MRGPRX3: variants seen among roughly 807,000 people sequenced by gnomAD.
MRGPRX3 encodes the protein MAS related GPR family member X3, also known as mas-related G protein-coupled receptor member X3.
MRGPRX3 carries 14 observed loss-of-function variants against 16.5 expected under a neutral mutation model. The observed-to-expected ratio is 0.85, with a 90% confidence interval of 0.56 to 1.33. The LOEUF is 1.33. Among genes scored for constraint, MRGPRX3 ranks in the 40% most tolerant of loss-of-function variants. MRGPRX3 has a pLI of 0.00. For missense variants in MRGPRX3, 449 were observed against 413.0 expected (o/e 1.09, Z -0.76); for synonymous variants, 199 against 180.1 (o/e 1.10, Z -0.84).
upstream of MRGPRX3, among the ~76,000 whole-genome samples, chr11:18,131,755 C>G (rs75657535): frequency 6.6e-6 from 1 of 152,070 alleles, no homozygotes; most frequent in Non-Finnish European, 1.5e-5. Flanking sequence ...ATGACATTCA[C>G]AGCAATCTAG....
At chr11:18,135,714 A>T (rs75683416) in intron 1 of MRGPRX3, among the ~76,000 whole-genome samples, 4,256 of 151,940 alleles carry the variant, frequency 0.028, 215 homozygotes, top group African/African-American at 0.098. Context: ...CTTGGATTTA[A>T]CTTGAGAATC....
At position 18,137,754 on chromosome 11, in the gene MRGPRX3, G is replaced by T. The variant is rs1283946056; in HGVS notation, c.552G>T (p.Leu184=). The part of the protein sequence containing the change: ...ETSDFITIAW[L]VFLCVVLCGS... ...CAGATTTCATTACAATCGCGTGGCT[G>T]GTTTTTTTATGTGTGGTTCTCTGTG... The change falls in exon 2 of 2, where the codon CTG becomes CTT. Residue 184 remains leucine, a synonymous_variant. Coordinates refer to ENST00000621697, the MANE Select transcript of MRGPRX3 (RefSeq NM_001370464.1). The T allele has an allele frequency of 5.0e-6, 8 of 1,613,960 alleles. No homozygotes were observed. In the African/African-American group the frequency reaches 1.1e-4, roughly 22 times the overall value.
At position 18,138,309 on chromosome 11, in the gene MRGPRX3, T is replaced by C. The variant is rs967933020; in HGVS notation, c.*138T>C. On this transcript the variant is annotated 3_prime_UTR_variant, in exon 2 of 2. Transcript: ENST00000621697. ...CTCAAGGTCTTCGAATAGATGTTTA[T>C]CTAACCTGACAGTTGCAGTTTTCAC... is the stretch of plus-strand genomic sequence containing the variant. 3.6e-6 allele frequency: 5 copies of C among 1,380,018 alleles called. No individual in the cohort carries two copies. The African/African-American group carries it at 5.8e-5, about 16-fold the overall frequency. The allele number at this position is 1,380,018 out of a possible 1,614,324, so 85.5% of individuals were successfully genotyped here. A position where few individuals can be genotyped will look rare whatever the true frequency, so the allele number is the denominator to read the frequency against.
intron 1 of MRGPRX3, among the ~76,000 whole-genome samples, chr11:18,135,603 G>A (rs1000076297): frequency 2.6e-5 from 4 of 152,110 alleles, no homozygotes; most frequent in Admixed American, 6.5e-5. Flanking sequence ...TAAATGGCAC[G>A]CACTCACCTC....
chr11:18,128,292 C>A (rs12277074), upstream of MRGPRX3, among the ~76,000 whole-genome samples: 7,769 of 152,298 alleles, frequency 0.051, 657 homozygotes, highest in African/African-American at 0.18. Flanking sequence ...AGAACCACTA[C>A]TCTCTTCAAA....
At chr11:18,129,923 A>G (rs966303582), upstream of MRGPRX3, among the ~76,000 whole-genome samples, 3 of 152,240 alleles carry the variant, frequency 2.0e-5, no homozygotes, top group African/African-American at 7.2e-5. Flanking sequence ...AATTAAAAAC[A>G]AAAATCACAT....
chr11:18,131,015 C>A (rs566521196), upstream of MRGPRX3, among the ~76,000 whole-genome samples: 1 of 152,108 alleles, frequency 6.6e-6, no homozygotes, highest in Non-Finnish European at 1.5e-5. Flanking sequence ...TTGTCTCTCA[C>A]TTAATACAAA....
At chr11:18,133,234 A>G (rs1184992605) in intron 1 of MRGPRX3, among the ~76,000 whole-genome samples, 2 of 152,242 alleles carry the variant, frequency 1.3e-5, no homozygotes, top group Admixed American at 6.5e-5. Flanking sequence ...GCAGCAATAC[A>G]TAGGGGAGCA....
chr11:18,125,512 T>G (rs947975621), intron 1 of MRGPRX3, among the ~76,000 whole-genome samples: 1 of 152,244 alleles, frequency 6.6e-6, no homozygotes, highest in Non-Finnish European at 1.5e-5. Flanking sequence ...AGTGAGATTC[T>G]TAATCTTGAG....
chr11:18,130,371 G>T (rs1431618577), upstream of MRGPRX3, among the ~76,000 whole-genome samples: 1 of 152,114 alleles, frequency 6.6e-6, no homozygotes, highest in Non-Finnish European at 1.5e-5. Flanking sequence ...CAGTAGCACT[G>T]CTATACACCA....
Position 18,138,139 on chromosome 11 carries a change from C to G in MRGPRX3, c.937C>G (p.Leu313Val), listed in dbSNP as rs747976934. 10 of 1,613,336 alleles carry G rather than the reference C, an allele frequency of 6.2e-6. No homozygotes were observed. The South Asian group carries it at 8.8e-5, about 14-fold the overall frequency. ...EGGGWLPQET[L>V]ELSGSRLEQ ...TGGAGGGTGGCTTCCTCAGGAAACC[C>G]TGGAGCTGTCGGGAAGCAGATTGGA... Residue 313 changes from leucine (L) to valine (V), a missense_variant, in exon 2 of 2, where the codon CTG becomes GTG. Physicochemically the swap from Leu to Val is conservative, Grantham distance 32. Coordinates refer to ENST00000621697, the MANE Select transcript of MRGPRX3 (RefSeq NM_001370464.1).
At chr11:18,121,253 CTCCGCCCG>C (rs1234932736) in intron 1 of MRGPRX3, 1 of 157,324 alleles carries the variant, frequency 6.4e-6, no homozygotes, top group African/African-American at 2.4e-5. Context: ...TGAGGAGCCC[CTCCGCCCG>C]GCAGCCACCC....
In MRGPRX3 at chr11:18,137,739, T is replaced by C. The variant is rs763597522; in HGVS notation, c.537T>C (p.Ile179=). Residue 179 remains isoleucine, a synonymous_variant, in exon 2 of 2, where the codon ATT becomes ATC. Transcript: ENST00000621697. Reference sequence around the variant, plus strand: ...TTTGGTGTGAAACGTCAGATTTCATTACAATCGCGTGGCTGGTTTTTTTAT... The same window carrying C: ...TTTGGTGTGAAACGTCAGATTTCATCACAATCGCGTGGCTGGTTTTTTTAT... ...NSVWCETSDF[I]TIAWLVFLCV... is the part of the protein sequence containing the mutation. The C allele has an allele frequency of 1.2e-6, 2 of 1,614,108 alleles. No individual in the cohort carries two copies. The highest frequency in any genetic ancestry group is 3.3e-5 in the Admixed American group (2 of 60,014).
rs1849034645 is a variant in MRGPRX3, at chr11:18,138,302, A to T, written c.*131A>T. The T allele has an allele frequency of 7.1e-7, 1 of 1,410,190 alleles. No individual in the cohort carries two copies. Among genetic ancestry groups the T allele is most frequent in the East Asian group, 2.3e-5 (1 of 43,312 alleles). 87.4% of individuals were successfully genotyped at this position (1,410,190 alleles called of 1,614,324 possible). ...GTGGTCCCTCAAGGTCTTCGAATAG[A>T]TGTTTATCTAACCTGACAGTTGCAG... On this transcript the variant is annotated 3_prime_UTR_variant, in exon 2 of 2. Transcript: ENST00000621697.
chr11:18,135,741 C>T (rs1427245531), intron 1 of MRGPRX3, among the ~76,000 whole-genome samples: 3 of 152,068 alleles, frequency 2.0e-5, no homozygotes, highest in African/African-American at 4.8e-5. Flanking sequence ...CTACTTTACC[C>T]CCCTCTAACA....
At position 18,138,244 on chromosome 11, in the gene MRGPRX3, T is replaced by C. The variant is rs180687179; in HGVS notation, c.*73T>C. The C allele has an allele frequency of 1.1e-5, 16 of 1,517,544 alleles. No homozygotes were observed. In the African/African-American group the frequency reaches 2.1e-4, roughly 20 times the overall value. The allele number at this position is 1,517,544 out of a possible 1,614,324, so 94.0% of individuals were successfully genotyped here. A position where few individuals can be genotyped will look rare whatever the true frequency, so the allele number is the denominator to read the frequency against. On this transcript the variant is annotated 3_prime_UTR_variant, in exon 2 of 2. Coordinates refer to ENST00000621697, the MANE Select transcript of MRGPRX3 (RefSeq NM_001370464.1). ...CTGCCACCCTTGACAATTATATGCA[T>C]TTTTCTTAGCCTTCTGCCTCAGAAA...
intron 1 of MRGPRX3, among the ~76,000 whole-genome samples, chr11:18,133,076 A>C (rs548932820): frequency 6.6e-6 from 1 of 152,316 alleles, no homozygotes; most frequent in Admixed American, 6.5e-5. Context: ...CTATAGAGCC[A>C]GTTTCTTTGT....
upstream of MRGPRX3, among the ~76,000 whole-genome samples, chr11:18,129,598 TA>T (rs1474803742): frequency 1.9e-4 from 29 of 152,340 alleles, no homozygotes; most frequent in Admixed American, 4.6e-4. Context: ...AGCTGAATTC[TA>T]TCAGATATTC....
At chr11:18,123,408 C>T (rs1848859977) in intron 1 of MRGPRX3, among the ~76,000 whole-genome samples, 1 of 152,156 alleles carries the variant, frequency 6.6e-6, no homozygotes, top group Admixed American at 6.6e-5. Flanking sequence ...CTACATATGG[C>T]TAGCCAGTTT....
Sources: allele counts gnomAD v4.1 joint callset (sites outside exome capture counted in the v4.1 genomes callset), GRCh38; gene constraint gnomAD v4.1.1; transcripts MANE v1.5; gene names NCBI Gene and HGNC (gene_info 2026-07-23, HGNC 2026-07-21).